Variants in ATP13A3 observed in about 807,000 individuals in gnomAD.
ATP13A3 encodes ATPase 13A3.
A neutral mutation model predicts 158.1 loss-of-function variants in ATP13A3; 59 were observed. That is an observed-to-expected ratio of 0.37 (90% CI 0.30 to 0.46). The LOEUF is 0.46. Among genes scored for constraint, ATP13A3 ranks in the 20% least tolerant of loss-of-function variants. ATP13A3 has a pLI of 1.00. For synonymous variants in ATP13A3, 491 were observed against 504.3 expected (o/e 0.97, Z 0.35); for missense variants, 1,166 against 1,525.2 (o/e 0.76, Z 3.92).
chr3:194,447,638 A>C (rs1171240517), intron 13 of ATP13A3, among the ~76,000 whole-genome samples: 2 of 152,014 alleles, frequency 1.3e-5, no homozygotes, highest in Non-Finnish European at 2.9e-5. Context: ...AGAGGCACCC[A>C]AAAGAAGTAT....
chr3:194,427,216 T>C lies in ATP13A3; in HGVS notation c.2984A>G (p.Gln995Arg). 3 of 1,609,104 alleles carry C rather than the reference T, an allele frequency of 1.9e-6. No homozygotes were observed. The highest frequency in any genetic ancestry group is 2.5e-6 in the Non-Finnish European group (3 of 1,178,982). Residue 995 changes from glutamine to arginine, a missense_variant, in exon 29 of 34, where the codon CAA becomes CGA. Gln to Arg is a conservative substitution (Grantham distance 43). Around this residue, in one of 3 missense-constraint regions of ATP13A3, gnomAD observed 997 missense variants for 1,341.2 expected, o/e 0.74. Transcript: ENST00000645319. ...AGATATAAGACCCGAAGGTGGTCTT[T>C]GTGCCACAAGTTCTTTCCAGGCAGG... ...LNPAWKELVA[Q>R]RPPSGLISGA... is the part of the protein sequence containing the mutation.
chr3:194,421,716 TG>T (rs1448756120), intron 30 of ATP13A3, among the ~76,000 whole-genome samples: 2 of 151,670 alleles, frequency 1.3e-5, no homozygotes, highest in Non-Finnish European at 2.9e-5. Flanking sequence ...AAAAAGTGTT[TG>T]GAAAGTGGTG....
chr3:194,413,981 C>T (rs778603124), intron 31 of ATP13A3, 142 bp from the exon 32 acceptor site: 2 of 691,908 alleles, frequency 2.9e-6, no homozygotes, highest in Non-Finnish European at 5.1e-6. Flanking sequence ...CTCAACAATG[C>T]CCCGCGGTAT....
intron 2 of ATP13A3, among the ~76,000 whole-genome samples, chr3:194,477,431 A>G (rs771219207): frequency 6.6e-6 from 1 of 152,126 alleles, no homozygotes; most frequent in Non-Finnish European, 1.5e-5. Flanking sequence ...CAACAAAGTA[A>G]TTTTGTCTTT....
intron 3 of ATP13A3, 70 bp from the exon 4 acceptor site, chr3:194,460,901 A>C (rs1719609464): frequency 6.8e-7 from 1 of 1,481,372 alleles, no homozygotes; most frequent in African/African-American, 1.4e-5. Flanking sequence ...AACACATTCC[A>C]AAGTTCTTTG....
At chr3:194,450,035 T>C in intron 11 of ATP13A3, 110 bp downstream of exon 11, 1 of 1,146,446 alleles carries the variant, frequency 8.7e-7, no homozygotes, top group Admixed American at 2.5e-5. Context: ...ATCCAACATA[T>C]TCATGAGTAA....
At chr3:194,459,607 T>C (rs989509014) in intron 5 of ATP13A3, 66 bp from the exon 6 acceptor site, 2 of 1,328,542 alleles carry the variant, frequency 1.5e-6, no homozygotes, top group South Asian at 2.4e-5. Context: ...AATCTGTTAC[T>C]TCTATTAACA....
chr3:194,453,356 G>A (rs140529467), intron 10 of ATP13A3, among the ~76,000 whole-genome samples: 2,554 of 151,360 alleles, frequency 0.017, 81 homozygotes, highest in African/African-American at 0.059. Context: ...ACTTTGGGAG[G>A]CCCAGGTGGG....
In ATP13A3 at chr3:194,459,820, A is replaced by G. The variant is rs1719509036; in HGVS notation, c.377T>C (p.Ile126Thr). ...TGATTCAGTCTGTGAATATTTACTG[A>G]TCCTGTGCCTATTTTCTTCAGTGGG... is the stretch of plus-strand genomic sequence containing the variant. Reference protein sequence around the residue: ...ENPTEENRHRISKYSQTESQQ... With the variant: ...ENPTEENRHRTSKYSQTESQQ... The change falls in exon 5 of 34, where the codon ATC becomes ACC. Residue 126 changes from isoleucine (I) to threonine (T), a missense_variant. This residue lies in a region of ATP13A3 where 104 missense variants were observed against 91.7 expected (regional missense o/e 1.13). Coordinates refer to ENST00000645319, the MANE Select transcript of ATP13A3 (RefSeq NM_001367549.1). 3 of 1,613,052 alleles carry G rather than the reference A, an allele frequency of 1.9e-6. No homozygotes were observed. The highest frequency in any genetic ancestry group is 2.5e-6 in the Non-Finnish European group (3 of 1,179,522).
At chr3:194,474,661 T>G (rs910945212) in intron 2 of ATP13A3, among the ~76,000 whole-genome samples, 5 of 152,230 alleles carry the variant, frequency 3.3e-5, no homozygotes, top group African/African-American at 1.2e-4. Context: ...CAACTATTCA[T>G]TTGAAACTGT....
chr3:194,441,576 G>T, intron 15 of ATP13A3, 115 bp from the exon 16 acceptor site: 1 of 928,170 alleles, frequency 1.1e-6, no homozygotes, highest in Middle Eastern at 3.1e-4. Flanking sequence ...CCCAATCTGA[G>T]CTCCTAAGAA....
intron 10 of ATP13A3, chr3:194,451,152 C>T (rs550761822): frequency 1.8e-4 from 27 of 152,234 alleles, no homozygotes; most frequent in African/African-American, 5.1e-4. Context: ...AAGACAAACA[C>T]TCTTTCTTTC....
chr3:194,461,077 T>A (rs1444587373), intron 3 of ATP13A3, among the ~76,000 whole-genome samples: 1 of 152,242 alleles, frequency 6.6e-6, no homozygotes, highest in East Asian at 1.9e-4. Flanking sequence ...CCTAATACGT[T>A]CTTTCCCACT....
intron 16 of ATP13A3, 111 bp from the exon 17 acceptor site, chr3:194,439,083 T>C: frequency 4.9e-6 from 3 of 617,660 alleles, no homozygotes; most frequent in Non-Finnish European, 8.0e-6. Flanking sequence ...CCATTTTCAA[T>C]AATTAAAAAA....
Position 194,460,764 on chromosome 3 carries a change from C to T in ATP13A3, c.119G>A (p.Gly40Asp). Residue 40 changes from glycine (G) to aspartate (D), a missense_variant, in exon 4 of 34, where the codon GGT becomes GAT. Physicochemically the swap from Gly to Asp is moderately conservative, Grantham distance 94 (BLOSUM62 -1). This residue lies in a region of ATP13A3 where 65 missense variants were observed against 92.4 expected (regional missense o/e 0.70). Coordinates refer to ENST00000645319, the MANE Select transcript of ATP13A3 (RefSeq NM_001367549.1). ...AIVSLGVICS[G>D]GFLLLLLYWM... ...ATAGAGGAGGAGGAGGAGAAACCCA[C>T]CAGAGCAAATCACTCCTAAAGAAAC... 6.2e-7 allele frequency: 1 copy of T among 1,614,150 alleles called. No homozygotes were observed. Among genetic ancestry groups the T allele is most frequent in the Non-Finnish European group, 8.5e-7 (1 of 1,180,000 alleles).
chr3:194,416,485 A>T (rs762859274), intron 31 of ATP13A3, among the ~76,000 whole-genome samples: 1 of 152,124 alleles, frequency 6.6e-6, no homozygotes, highest in Non-Finnish European at 1.5e-5. Context: ...ATAAAAATTT[A>T]AAACCACTTA....
intron 6 of ATP13A3, chr3:194,459,235 G>C (rs984769265): frequency 1.3e-5 from 6 of 466,222 alleles, no homozygotes; most frequent in Non-Finnish European, 2.0e-5. Flanking sequence ...GTAGACTTTG[G>C]CATCATACTG....
At chr3:194,484,604 T>C (rs1490510241) in intron 2 of ATP13A3, among the ~76,000 whole-genome samples, 1 of 152,212 alleles carries the variant, frequency 6.6e-6, no homozygotes, top group Non-Finnish European at 1.5e-5. Flanking sequence ...GTCTCAGTGA[T>C]GTTGGAAATA....
At chr3:194,419,672 G>T in intron 31 of ATP13A3, 1 of 666,052 alleles carries the variant, frequency 1.5e-6, no homozygotes, top group Non-Finnish European at 1.9e-6. Flanking sequence ...TTTGTTTGCA[G>T]ACAAATGAAA....
Sources: allele counts gnomAD v4.1 joint callset (sites outside exome capture counted in the v4.1 genomes callset), GRCh38; gene constraint gnomAD v4.1.1; regional missense constraint gnomAD v4.1.1; transcripts MANE v1.5; gene names NCBI Gene and HGNC (gene_info 2026-07-23, HGNC 2026-07-21).